Variants in HTR4 observed in about 807,000 individuals in gnomAD.
HTR4 encodes the protein 5-hydroxytryptamine (serotonin) receptor 4, G protein-coupled.
Under a neutral mutation model 36.8 loss-of-function variants are expected in HTR4, and 16 were observed. The ratio of observed to expected loss-of-function variants is 0.43; its 90% CI spans 0.29 to 0.66. The LOEUF is 0.66. HTR4 is among the 30% of genes least tolerant of loss of function. The probability of loss-of-function intolerance (pLI) is 0.13; values close to 1 mark genes in which losing one functional copy is unlikely to be tolerated. For synonymous variants in HTR4, 189 were observed against 185.1 expected, an observed-to-expected ratio of 1.02 and a Z score of -0.17; for missense variants, 438 against 490.9, an observed-to-expected ratio of 0.89 and a Z score of 1.02.
At chr5:148,544,939 A>G (rs183219802) in intron 4 of HTR4, among the ~76,000 whole-genome samples, 1 of 152,386 alleles carries the variant, frequency 6.6e-6, no homozygotes, top group East Asian at 1.9e-4. Flanking sequence ...AGGACATGGC[A>G]TACTGCCGGG....
chr5:148,548,399 T>C (rs916635395), intron 4 of HTR4, among the ~76,000 whole-genome samples: 1 of 152,210 alleles, frequency 6.6e-6, no homozygotes, highest in African/African-American at 2.4e-5. Flanking sequence ...GTAAACTTGA[T>C]TGCTGACATC....
At position 148,625,868 on chromosome 5, in the gene HTR4, C is replaced by T. The variant is rs1054174855; in HGVS notation, c.26+11121G>A. On this transcript the variant is annotated intron_variant, in intron 2 of 6. Transcript: ENST00000377888. ...TGCTGGGATTACAGGTGTGAGCCAC[C>T]GCGCCTGGCTGCAAAGCCTTTTTTT... Among the ~76,000 whole-genome samples, 6 of 151,610 alleles carry T rather than the reference C, an allele frequency of 4.0e-5. No homozygotes were observed. In the South Asian group the frequency reaches 8.3e-4, roughly 21 times the overall value.
intron 1 of HTR4, among the ~76,000 whole-genome samples, chr5:148,638,074 G>A (rs1392677648): frequency 6.6e-6 from 1 of 152,190 alleles, no homozygotes; most frequent in Non-Finnish European, 1.5e-5. Context: ...ATGAAACTCA[G>A]CCTGGGCCCT....
intron 2 of HTR4, among the ~76,000 whole-genome samples, chr5:148,579,978 C>A (rs1330714533): frequency 6.6e-6 from 1 of 151,882 alleles, no homozygotes; most frequent in Non-Finnish European, 1.5e-5. Context: ...AAGCCAAATT[C>A]CTTTACATCA....
At chr5:148,639,602 AT>A (rs1036280690) in intron 1 of HTR4, among the ~76,000 whole-genome samples, 1 of 120,928 alleles carries the variant, frequency 8.3e-6, no homozygotes, top group Non-Finnish European at 1.7e-5. Flanking sequence ...TCTCTGTTCT[AT>A]TTTTTTCTTC....
chr5:148,610,141 G>A (rs565843657), intron 2 of HTR4, among the ~76,000 whole-genome samples: 2 of 152,290 alleles, frequency 1.3e-5, no homozygotes, highest in East Asian at 3.9e-4. Context: ...GTGAGTGGAG[G>A]CCTTCTTCAG....
downstream of HTR4, among the ~76,000 whole-genome samples, chr5:148,479,031 G>T (rs1268066091): frequency 1.3e-5 from 2 of 152,064 alleles, no homozygotes; most frequent in Non-Finnish European, 2.9e-5. Flanking sequence ...GGCTTCAGCA[G>T]GGATGCACAT....
intron 2 of HTR4, among the ~76,000 whole-genome samples, chr5:148,604,239 A>G (rs1274914646): frequency 1.3e-5 from 2 of 152,182 alleles, no homozygotes; most frequent in Non-Finnish European, 2.9e-5. Context: ...GTGGGAGAAT[A>G]TATTTGCAAC....
intron 2 of HTR4, among the ~76,000 whole-genome samples, chr5:148,617,769 A>G (rs1752760232): frequency 6.6e-6 from 1 of 152,060 alleles, no homozygotes; most frequent in South Asian, 2.1e-4. Context: ...GCCCAGCCTA[A>G]CCTAGTCAAG....
At chr5:148,588,528 T>C (rs2964274) in intron 2 of HTR4, among the ~76,000 whole-genome samples, 2,799 of 35,204 alleles carry the variant, frequency 0.08, 115 homozygotes, top group South Asian at 0.12. Context: ...GTTTTAATTC[T>C]TTTTTTTTTT....
At chr5:148,653,607 TAA>T (rs943066698) in intron 1 of HTR4, among the ~76,000 whole-genome samples, 1 of 125,488 alleles carries the variant, frequency 8.0e-6, no homozygotes, top group South Asian at 2.7e-4. Context: ...TCTCTCTCTC[TAA>T]CACACACACA....
chr5:148,579,194 C>G (rs570624496), intron 2 of HTR4, among the ~76,000 whole-genome samples: 26 of 152,208 alleles, frequency 1.7e-4, no homozygotes, highest in African/African-American at 5.8e-4. Flanking sequence ...CCTGGGGGCA[C>G]AGCCAATGTT....
At chr5:148,544,482 C>T (rs925134819) in intron 4 of HTR4, among the ~76,000 whole-genome samples, 7 of 152,084 alleles carry the variant, frequency 4.6e-5, no homozygotes, top group Admixed American at 2.6e-4. Context: ...GGACAACACA[C>T]GTCATTATTT....
downstream of HTR4, among the ~76,000 whole-genome samples, chr5:148,477,052 C>A (rs1755721625): frequency 6.6e-6 from 1 of 152,114 alleles, no homozygotes; most frequent in Admixed American, 6.5e-5. Flanking sequence ...TATTGGTAGG[C>A]TATGAGGAGT....
intron 2 of HTR4, among the ~76,000 whole-genome samples, chr5:148,613,156 A>C (rs1243132541): frequency 1.3e-5 from 2 of 151,188 alleles, no homozygotes; most frequent in African/African-American, 4.9e-5. Flanking sequence ...TAGAAAAAGA[A>C]GGAATCCTCC....
chr5:148,645,264 G>A (rs1019901799), intron 1 of HTR4: 2 of 152,100 alleles, frequency 1.3e-5, no homozygotes, highest in African/African-American at 4.8e-5. Context: ...AAGAGCATAA[G>A]GTCACTGTCA....
intron 2 of HTR4, among the ~76,000 whole-genome samples, chr5:148,627,055 A>C (rs1753136942): frequency 6.6e-6 from 1 of 151,924 alleles, no homozygotes; most frequent in Non-Finnish European, 1.5e-5. Context: ...TACTTCATAA[A>C]TTTCTCTAGG....
At position 148,549,010 on chromosome 5, in the gene HTR4, G is replaced by A. The variant is rs192820128; in HGVS notation, c.153-142C>T. On this transcript the variant is annotated intron_variant, in intron 3 of 6. Transcript: ENST00000377888. The stretch of plus-strand genomic sequence containing the variant: ...GGGAGGGGGAAAGAGGAAAGAAAAA[G>A]TCACATGCTTAGTGTATTCCGTGAG... The A allele has an allele frequency of 7.7e-4, 515 of 665,018 alleles. No homozygotes were observed. In the African/African-American group the frequency reaches 8.7e-3, roughly 11 times the overall value. The allele number at this position is 665,018 out of a possible 1,614,324, so 41.2% of individuals were successfully genotyped here.
chr5:148,582,036 C>T (rs917619373), intron 2 of HTR4, among the ~76,000 whole-genome samples: 2 of 151,910 alleles, frequency 1.3e-5, no homozygotes, highest in Non-Finnish European at 2.9e-5. Flanking sequence ...TCAAATGAGT[C>T]TTTCACCTCC....
Sources: gnomAD v4.1 joint callset for allele counts (sites outside exome capture counted in the v4.1 genomes callset) on GRCh38, gnomAD v4.1.1 for gene constraint, MANE v1.5 for transcripts, NCBI Gene and HGNC (gene_info 2026-07-23, HGNC 2026-07-21) for gene names.